The following ASTN2 variants were observed in gnomAD, a reference collection of about 807,000 sequenced individuals.
ASTN2 encodes astrotactin 2.
In ASTN2, 54 loss-of-function variants were observed where a neutral mutation model predicts 139.8. That is an observed-to-expected ratio of 0.39 (90% confidence interval 0.31 to 0.48). The LOEUF is 0.48. ASTN2 is among the 20% of genes least tolerant of loss of function. The pLI is 0.95. For missense variants in ASTN2, 1,565 were observed against 1,725.1 expected (o/e 0.91, Z 1.64); for synonymous variants, 756 against 719.5 (o/e 1.05, Z -0.81).
At position 116,687,039 on chromosome 9, in the gene ASTN2, C is replaced by A. The variant is rs374237296; in HGVS notation, c.2807-35246G>T. On this transcript the variant is annotated intron_variant, in intron 16 of 22. Transcript: ENST00000313400. ...TAGACATTGAGACTGGAGTCAGATA[C>A]GCATTCTGGCTTATCTCCTGACTTA... The A allele has an allele frequency of 3.7e-6, 5 of 1,348,486 alleles. No individual in the cohort carries two copies. The East Asian group carries it at 1.5e-4, about 41-fold the overall frequency. 83.5% of individuals were successfully genotyped at this position (1,348,486 alleles called of 1,614,324 possible). A position where few individuals can be genotyped will look rare whatever the true frequency, so the allele number is the denominator to read the frequency against.
intron 11 of ASTN2, among the ~76,000 whole-genome samples, chr9:116,862,841 CA>C (rs1832921639): frequency 4.1e-5 from 1 of 24,372 alleles, no homozygotes; most frequent in Non-Finnish European, 1.6e-4. Flanking sequence ...CACACACACA[CA>C]TACACGTTAA....
At chr9:117,136,732 G>A (rs1829960605) in intron 4 of ASTN2, among the ~76,000 whole-genome samples, 1 of 152,180 alleles carries the variant, frequency 6.6e-6, no homozygotes, top group Non-Finnish European at 1.5e-5. Context: ...GGGGAAGATG[G>A]ATTTATGAGA....
At chr9:116,969,679 A>G (rs2042779801) in intron 10 of ASTN2, among the ~76,000 whole-genome samples, 1 of 152,200 alleles carries the variant, frequency 6.6e-6, no homozygotes, top group Admixed American at 6.5e-5. Context: ...GGAGTTTTCA[A>G]GCCCTGATAT....
intron 20 of ASTN2, among the ~76,000 whole-genome samples, chr9:116,477,551 G>A (rs1453394623): frequency 1.3e-5 from 2 of 152,082 alleles, no homozygotes; most frequent in East Asian, 1.9e-4. Flanking sequence ...TTAGGCTGGT[G>A]TGGGCTGTTT....
intron 1 of ASTN2, among the ~76,000 whole-genome samples, chr9:117,294,784 C>T (rs925314244): frequency 3.9e-5 from 6 of 152,194 alleles, no homozygotes; most frequent in Admixed American, 1.3e-4. Context: ...GCAGGACTTA[C>T]AACTGTTTCT....
intron 5 of ASTN2, among the ~76,000 whole-genome samples, chr9:117,068,725 G>C (rs1029679744): frequency 2.5e-5 from 3 of 117,914 alleles, no homozygotes; most frequent in Non-Finnish European, 5.5e-5. Context: ...CTTCTTCCTG[G>C]TTTAGTCTTG....
At chr9:117,207,215 C>A (rs1469394229) in intron 3 of ASTN2, among the ~76,000 whole-genome samples, 1 of 152,050 alleles carries the variant, frequency 6.6e-6, no homozygotes, top group Non-Finnish European at 1.5e-5. Context: ...GGCAGATATG[C>A]CCACAGGTTG....
At chr9:116,661,030 C>T (rs1311534606) in intron 16 of ASTN2, among the ~76,000 whole-genome samples, 2 of 152,152 alleles carry the variant, frequency 1.3e-5, no homozygotes, top group Non-Finnish European at 2.9e-5. Context: ...GGACACCTGT[C>T]TTCAAGTGAA....
At chr9:116,836,501 G>A (rs956252077) in intron 11 of ASTN2, among the ~76,000 whole-genome samples, 1 of 152,186 alleles carries the variant, frequency 6.6e-6, no homozygotes, top group African/African-American at 2.4e-5. Context: ...CTGGAGTAGA[G>A]CACTTATTGT....
intron 20 of ASTN2, among the ~76,000 whole-genome samples, chr9:116,443,162 T>C (rs1183465979): frequency 6.6e-6 from 1 of 152,152 alleles, no homozygotes; most frequent in African/African-American, 2.4e-5. Context: ...ATGTAGCCCA[T>C]GAAAGCCTTC....
At chr9:116,944,353 T>C (rs1464947358) in intron 10 of ASTN2, among the ~76,000 whole-genome samples, 1 of 152,074 alleles carries the variant, frequency 6.6e-6, no homozygotes, top group African/African-American at 2.4e-5. Context: ...TGAGAAGCCA[T>C]GTGCCACACA....
In ASTN2 at chr9:116,838,101, G is replaced by GTTTTTTTTTTTTTTT. The variant is rs752512675; in HGVS notation, c.2041-17319_2041-17318insAAAAAAAAAAAAAAA. 1.5e-5 allele frequency among the ~76,000 whole-genome samples: 2 copies of GTTTTTTTTTTTTTTT among 134,138 alleles called. 1 individual carries two copies. Among genetic ancestry groups the GTTTTTTTTTTTTTTT allele is most frequent in the Non-Finnish European group, 3.1e-5 (2 of 64,396 alleles). 88.0% of individuals were successfully genotyped at this position (134,138 alleles called of 152,430 possible). ...CTGGATTCCAGTTCTGCCTGGCTGT[G>GTTTTTTTTTTTTTTT]TTTTTTTTTGTTTTGTTTTGTTTTT... On this transcript the variant is annotated intron_variant, in intron 11 of 22. Coordinates refer to ENST00000313400, the MANE Select transcript of ASTN2 (RefSeq NM_001365068.1).
chr9:116,630,751 A>G (rs752032046), intron 17 of ASTN2, among the ~76,000 whole-genome samples: 1 of 152,232 alleles, frequency 6.6e-6, no homozygotes, highest in African/African-American at 2.4e-5. Context: ...TGCAAAGGAA[A>G]CAGTCAATAG....
At chr9:116,546,478 T>C (rs1852096528) in intron 19 of ASTN2, 1 of 152,186 alleles carries the variant, frequency 6.6e-6, no homozygotes, top group South Asian at 2.1e-4. Flanking sequence ...GGCTATGAGT[T>C]CTACCCTTTC....
intron 13 of ASTN2, among the ~76,000 whole-genome samples, chr9:116,788,980 T>C (rs1237291337): frequency 6.6e-6 from 1 of 152,168 alleles, no homozygotes; most frequent in Non-Finnish European, 1.5e-5. Flanking sequence ...AATTGCAATT[T>C]AGCTTAATTC....
At chr9:117,119,422 G>A (rs1829485128) in intron 4 of ASTN2, among the ~76,000 whole-genome samples, 1 of 152,130 alleles carries the variant, frequency 6.6e-6, no homozygotes, top group South Asian at 2.1e-4. Context: ...GGACAAGGAG[G>A]CCCCTATCAT....
chr9:116,864,207 C>T (rs1832962518), intron 10 of ASTN2, among the ~76,000 whole-genome samples: 1 of 152,112 alleles, frequency 6.6e-6, no homozygotes, highest in Admixed American at 6.6e-5. Context: ...TGGGCACATC[C>T]CTATTATTCC....
chr9:117,260,402 G>A (rs144929801), intron 2 of ASTN2, among the ~76,000 whole-genome samples: 86 of 152,294 alleles, frequency 5.6e-4, no homozygotes, highest in Middle Eastern at 3.4e-3. Flanking sequence ...GGATAAATAA[G>A]TGCCAAGATT....
At chr9:117,076,307 G>A (rs1410726319) in intron 5 of ASTN2, among the ~76,000 whole-genome samples, 1 of 152,080 alleles carries the variant, frequency 6.6e-6, no homozygotes, top group African/African-American at 2.4e-5. Flanking sequence ...AGACAGAGGG[G>A]ACTGCGTGAT....
Sources: allele counts gnomAD v4.1 joint callset (sites outside exome capture counted in the v4.1 genomes callset), GRCh38; gene constraint gnomAD v4.1.1; transcripts MANE v1.5; gene names NCBI Gene and HGNC (gene_info 2026-07-23, HGNC 2026-07-21).